Variants in LRRTM4 observed in about 807,000 individuals in gnomAD.
LRRTM4 encodes leucine rich repeat transmembrane neuronal 4.
LRRTM4 carries 25 observed loss-of-function variants against 47.6 expected under a neutral mutation model. The ratio of observed to expected loss-of-function variants is 0.53; its 90% CI spans 0.38 to 0.73. LRRTM4 has a LOEUF of 0.73. LRRTM4 is among the 30% of genes least tolerant of loss of function. The probability of loss-of-function intolerance (pLI) is 0.00; values close to 1 mark genes in which losing one functional copy is unlikely to be tolerated. For synonymous variants in LRRTM4, 311 were observed against 269.5 expected (o/e 1.15, Z -1.51); for missense variants, 638 against 713.4 (o/e 0.89, Z 1.20).
intron 3 of LRRTM4, among the ~76,000 whole-genome samples, chr2:77,349,356 C>G (rs1040762381): frequency 2.6e-5 from 4 of 151,698 alleles, no homozygotes; most frequent in African/African-American, 7.3e-5. Context: ...CTAGAAAATG[C>G]TTATGAATGA....
intron 3 of LRRTM4, among the ~76,000 whole-genome samples, chr2:77,038,681 C>A (rs1349827205): frequency 1.3e-5 from 2 of 151,420 alleles, no homozygotes; most frequent in Admixed American, 6.6e-5. Flanking sequence ...TCTCCTTCTG[C>A]CATTTTGCAA....
chr2:77,123,184 A>T (rs543721940), intron 3 of LRRTM4, among the ~76,000 whole-genome samples: 7 of 150,524 alleles, frequency 4.7e-5, no homozygotes, highest in Non-Finnish European at 1.0e-4. Flanking sequence ...AGCCAAAAAA[A>T]AGTTCCTTTG....
intron 3 of LRRTM4, among the ~76,000 whole-genome samples, chr2:77,019,361 G>A (rs1001333168): frequency 1.3e-5 from 2 of 151,730 alleles, no homozygotes; most frequent in African/African-American, 4.8e-5. Flanking sequence ...TGCCAGGTAT[G>A]CAACATTGTG....
At chr2:77,059,513 G>A (rs1230481447) in intron 3 of LRRTM4, among the ~76,000 whole-genome samples, 1 of 152,144 alleles carries the variant, frequency 6.6e-6, no homozygotes, top group African/African-American at 2.4e-5. Context: ...ATCATCATTT[G>A]GAACACATTC....
chr2:77,234,847 C>A (rs1013933114), intron 3 of LRRTM4, among the ~76,000 whole-genome samples: 12 of 152,198 alleles, frequency 7.9e-5, no homozygotes, highest in Non-Finnish European at 1.8e-4. Context: ...TGAATTTTCT[C>A]ATCACTCAGA....
chr2:77,421,338 C>T (rs1468987772), intron 3 of LRRTM4, among the ~76,000 whole-genome samples: 1 of 152,104 alleles, frequency 6.6e-6, no homozygotes, highest in Non-Finnish European at 1.5e-5. Context: ...TTTATCTTTG[C>T]CCCCAGGGTC....
chr2:77,481,104 C>T (rs1468712534), intron 3 of LRRTM4, among the ~76,000 whole-genome samples: 1 of 152,134 alleles, frequency 6.6e-6, no homozygotes, highest in Non-Finnish European at 1.5e-5. Flanking sequence ...CCAGTCCTTA[C>T]CTGGTGGCAC....
chr2:77,201,616 A>G (rs1217344918), intron 3 of LRRTM4, among the ~76,000 whole-genome samples: 2 of 152,180 alleles, frequency 1.3e-5, no homozygotes, highest in Non-Finnish European at 2.9e-5. Context: ...GACTATACTC[A>G]AAAGAAAAGG....
At chr2:76,780,247 G>A (rs1674293324) in intron 3 of LRRTM4, among the ~76,000 whole-genome samples, 1 of 152,122 alleles carries the variant, frequency 6.6e-6, no homozygotes, top group Admixed American at 6.5e-5. Flanking sequence ...TCTTGGAGTT[G>A]CTCTTCTCGA....
intron 3 of LRRTM4, among the ~76,000 whole-genome samples, chr2:77,242,007 T>C (rs1456243144): frequency 6.6e-6 from 1 of 152,162 alleles, no homozygotes; most frequent in Admixed American, 6.5e-5. Flanking sequence ...CATCTGTCTT[T>C]ATGCCATTAT....
chr2:77,294,579 T>C (rs11126600), intron 3 of LRRTM4, among the ~76,000 whole-genome samples: 1 of 152,232 alleles, frequency 6.6e-6, no homozygotes, highest in East Asian at 1.9e-4. Context: ...AATTTATCTT[T>C]TGAGTGGGCA....
intron 3 of LRRTM4, among the ~76,000 whole-genome samples, chr2:77,042,410 TAAA>T (rs894344277): frequency 2.0e-5 from 3 of 151,652 alleles, no homozygotes; most frequent in Non-Finnish European, 3.0e-5. Context: ...TATGTAAACA[TAAA>T]AAGTTATTTT....
At chr2:77,296,555 T>C (rs1676979391) in intron 3 of LRRTM4, among the ~76,000 whole-genome samples, 1 of 152,220 alleles carries the variant, frequency 6.6e-6, no homozygotes, top group Admixed American at 6.5e-5. Context: ...TCTTTTTCCT[T>C]ATAACTTCTA....
chr2:77,519,695 G>C lies in LRRTM4; in HGVS notation c.174C>G (p.Asn58Lys). 1 of 1,613,376 alleles carries C rather than the reference G, an allele frequency of 6.2e-7. No homozygotes were observed. Among genetic ancestry groups the C allele is most frequent in the Non-Finnish European group, 8.5e-7 (1 of 1,179,590 alleles). ...ESHAFADIPE[N>K]ISGGSQGLSL... Reference sequence around the variant, plus strand: ...ATAAGCCTTGTGACCCTCCAGAAATGTTCTCAGGGATATCTGCGAAAGCAT... The same window carrying C: ...ATAAGCCTTGTGACCCTCCAGAAATCTTCTCAGGGATATCTGCGAAAGCAT... The change falls in exon 3 of 4, where the codon AAC (asparagine) becomes AAG (lysine). Residue 58 changes from asparagine to lysine, a missense_variant. Coordinates refer to ENST00000409884, the MANE Select transcript of LRRTM4 (RefSeq NM_001134745.3). The surrounding 1 kb of genome is among the most constrained non-coding windows in gnomAD (Gnocchi z 4.6).
chr2:76,899,082 C>T (rs779975625), intron 3 of LRRTM4, among the ~76,000 whole-genome samples: 3 of 151,842 alleles, frequency 2.0e-5, no homozygotes, highest in Admixed American at 6.6e-5. Flanking sequence ...ATATGAGACT[C>T]TTATGTAACT....
At chr2:77,207,229 GTA>G (rs10677955) in intron 3 of LRRTM4, among the ~76,000 whole-genome samples, 1 of 141,626 alleles carries the variant, frequency 7.1e-6, no homozygotes, top group Non-Finnish European at 1.5e-5. Flanking sequence ...ACACATATGT[GTA>G]TATATATATA....
At chr2:77,052,734 G>A (rs538789979) in intron 3 of LRRTM4, among the ~76,000 whole-genome samples, 3 of 127,610 alleles carry the variant, frequency 2.4e-5, no homozygotes, top group East Asian at 5.4e-4. Context: ...GTGTGTGTGT[G>A]TGCAAGTATC....
At chr2:76,824,925 C>G (rs148389612) in intron 3 of LRRTM4, among the ~76,000 whole-genome samples, 32 of 151,678 alleles carry the variant, frequency 2.1e-4, no homozygotes, top group Non-Finnish European at 3.5e-4. Flanking sequence ...ATCTAGTGAC[C>G]ATCAAATGAC....
intron 3 of LRRTM4, among the ~76,000 whole-genome samples, chr2:77,383,228 T>C (rs1281617521): frequency 1.3e-5 from 2 of 152,124 alleles, no homozygotes; most frequent in Non-Finnish European, 2.9e-5. Context: ...TCTTTAATTG[T>C]GTACCTTTCA....
Sources: gnomAD v4.1 joint callset for allele counts (sites outside exome capture counted in the v4.1 genomes callset) on GRCh38, gnomAD v4.1.1 for gene constraint, Gnocchi (gnomAD v3.1) non-coding constraint, MANE v1.5 for transcripts, NCBI Gene and HGNC (gene_info 2026-07-23, HGNC 2026-07-21) for gene names.